ADCY5: variants seen among roughly 807,000 people sequenced by gnomAD.
ADCY5 encodes adenylate cyclase 5.
A neutral mutation model predicts 119.7 loss-of-function variants in ADCY5; 30 were observed. That is an observed-to-expected ratio of 0.25 (90% confidence interval 0.19 to 0.34). The LOEUF is 0.34. Ranked by LOEUF, ADCY5 falls within the 10% of genes least tolerant of loss-of-function variation. ADCY5 has a pLI of 1.00. For synonymous variants in ADCY5, 753 were observed against 762.2 expected (o/e 0.99, Z 0.20); for missense variants, 1,324 against 1,775.2 (o/e 0.75, Z 4.57).
intron 3 of ADCY5, among the ~76,000 whole-genome samples, chr3:123,336,203 A>T (rs1942018810): frequency 1.3e-5 from 2 of 152,140 alleles, no homozygotes; most frequent in Admixed American, 1.3e-4. Flanking sequence ...GCAGAACCCC[A>T]TCCTGGCCCA....
chr3:123,398,899 A>C (rs1423228617), intron 1 of ADCY5, among the ~76,000 whole-genome samples: 2 of 152,234 alleles, frequency 1.3e-5, no homozygotes, highest in African/African-American at 4.8e-5. Flanking sequence ...TGTGGGTTCC[A>C]AATTTCACTG....
chr3:123,299,278 AC>A (rs1441508702), intron 15 of ADCY5, among the ~76,000 whole-genome samples: 2 of 152,220 alleles, frequency 1.3e-5, no homozygotes, highest in African/African-American at 4.8e-5. Context: ...AGCTTCTGGA[AC>A]ATGCCTAACT....
intron 3 of ADCY5, among the ~76,000 whole-genome samples, chr3:123,339,919 T>C (rs1942197163): frequency 6.6e-6 from 1 of 152,236 alleles, no homozygotes; most frequent in Non-Finnish European, 1.5e-5. Context: ...GGGGAGTCTA[T>C]GAGTGCTTTT....
intron 1 of ADCY5, among the ~76,000 whole-genome samples, chr3:123,359,095 T>C (rs1576620426): frequency 2.7e-5 from 4 of 150,194 alleles, no homozygotes; most frequent in South Asian, 4.3e-4. Flanking sequence ...GGAAGACCCC[T>C]GCTCAGTTTG....
chr3:123,440,037 T>C (rs1300555837), intron 1 of ADCY5, among the ~76,000 whole-genome samples: 1 of 152,242 alleles, frequency 6.6e-6, no homozygotes, highest in Non-Finnish European at 1.5e-5. Context: ...CCGAGCTGCG[T>C]CGCTTCCTTC....
intron 8 of ADCY5, among the ~76,000 whole-genome samples, chr3:123,323,823 C>T (rs1337946193): frequency 6.6e-6 from 1 of 152,054 alleles, no homozygotes; most frequent in Non-Finnish European, 1.5e-5. Context: ...CTATGCCTAG[C>T]TAGTTTTCCT....
intron 3 of ADCY5, among the ~76,000 whole-genome samples, chr3:123,337,021 G>A (rs1464578652): frequency 6.6e-6 from 1 of 152,162 alleles, no homozygotes; most frequent in Non-Finnish European, 1.5e-5. Context: ...ACTGCACTAT[G>A]TAGCCAGGGT....
rs72964577 is a variant in ADCY5 at position 123,349,589 on chromosome 3, G to C, written c.1285-1686C>G. Among the ~76,000 whole-genome samples, 742 of 152,224 alleles carry C rather than the reference G, an allele frequency of 4.9e-3. 2 individuals are homozygous for C. Among genetic ancestry groups the C allele is most frequent in the African/African-American group, 0.016 (654 of 41,526 alleles). On this transcript the variant is annotated intron_variant, in intron 2 of 20. Coordinates refer to ENST00000462833, the MANE Select transcript of ADCY5 (RefSeq NM_183357.3). ...AGTTTCACCAGCCACATCACATATG[G>C]GTTCTTCCAGACCCGCTGAACTCAC... is the stretch of plus-strand genomic sequence containing the variant.
intron 3 of ADCY5, among the ~76,000 whole-genome samples, chr3:123,346,716 C>T (rs1374861737): frequency 6.6e-6 from 1 of 151,992 alleles, no homozygotes; most frequent in African/African-American, 2.4e-5. Context: ...CTTGAAAACG[C>T]AGGCCAAGCC....
rs1941732322 is a variant in ADCY5, at chr3:123,330,925, C to T, written c.1610G>A (p.Cys537Tyr). ...PEARADHAHC[C>Y]VEMGMDMIEA... is the part of the protein sequence containing the mutation. ...GATCATGTCCATGCCCATCTCCACA[C>T]AGCAGTGGGCGTGGTCAGCCCTTGC... Residue 537 changes from cysteine to tyrosine, a missense_variant, in exon 5 of 21, where the codon TGT becomes TAT. Cys to Tyr is a radical substitution (Grantham distance 194). Coordinates refer to ENST00000462833, the MANE Select transcript of ADCY5 (RefSeq NM_183357.3). 1 of 1,613,872 alleles carries T rather than the reference C, an allele frequency of 6.2e-7. No individual in the cohort carries two copies. Among genetic ancestry groups the T allele is most frequent in the Admixed American group, 1.7e-5 (1 of 59,950 alleles).
rs1000565064 is a variant in ADCY5, at chr3:123,433,571, C to T, written c.1134+13841G>A. On this transcript the variant is annotated intron_variant, in intron 1 of 20. Transcript: ENST00000462833. Reference sequence around the variant, plus strand: ...GAACAAAAGTGAATCTGAAACACAGCTAAAGGATGCTGGGGTATTTCTTAG... The same window carrying T: ...GAACAAAAGTGAATCTGAAACACAGTTAAAGGATGCTGGGGTATTTCTTAG... 2.0e-5 allele frequency among the ~76,000 whole-genome samples: 3 copies of T among 152,326 alleles called. No individual in the cohort carries two copies. In the South Asian group the frequency reaches 6.2e-4, roughly 32 times the overall value.
In ADCY5 at chr3:123,300,136, C is replaced by A; in HGVS notation, c.2884G>T (p.Val962Phe). ...GCCCCATACATGGCGTTGGCGGTGA[C>A]CAGCAGGTCGGCGTTGTCGAAGAGC... ...VTLFDNADLL[V>F]TANAIDFFNN... is the part of the protein sequence containing the mutation. The change falls in exon 15 of 21, where the codon GTC becomes TTC. Residue 962 changes from valine (V) to phenylalanine (F), a missense_variant. Around this residue, in one of 6 missense-constraint regions of ADCY5, gnomAD observed 424 missense variants for 546.8 expected, o/e 0.78. Transcript: ENST00000462833. 1.2e-6 allele frequency: 2 copies of A among 1,613,862 alleles called. No homozygotes were observed. The highest frequency in any genetic ancestry group is 1.7e-6 in the Non-Finnish European group (2 of 1,180,020).
At chr3:123,363,074 C>T (rs985759684) in intron 1 of ADCY5, among the ~76,000 whole-genome samples, 3 of 140,864 alleles carry the variant, frequency 2.1e-5, no homozygotes, top group African/African-American at 5.4e-5. Context: ...ACCCAGGAGG[C>T]AAATGTTGCA....
At chr3:123,340,418 C>T (rs962005515) in intron 3 of ADCY5, among the ~76,000 whole-genome samples, 6 of 152,182 alleles carry the variant, frequency 3.9e-5, no homozygotes, top group Non-Finnish European at 2.9e-5. Flanking sequence ...TACCCAAGCC[C>T]AGAATAATAC....
Position 123,318,226 on chromosome 3 carries a change from C to G in ADCY5, c.2257-109G>C, listed in dbSNP as rs1941029024. On this transcript the variant is annotated intron_variant, in intron 10 of 20. Transcript: ENST00000462833. ...AGCCACTCATGGCTGGTCACCTGTG[C>G]AGCCCACTCCCACAACAGGGAAGAC... 7.9e-6 allele frequency: 6 copies of G among 758,300 alleles called. No individual in the cohort carries two copies. In the East Asian group the frequency reaches 1.7e-4, roughly 21 times the overall value. 47.0% of individuals were successfully genotyped at this position (758,300 alleles called of 1,614,324 possible).
At chr3:123,440,099 C>T (rs11714441) in intron 1 of ADCY5, among the ~76,000 whole-genome samples, 60,615 of 152,066 alleles carry the variant, frequency 0.4, 12,091 homozygotes, top group Admixed American at 0.42. Context: ...TGCGTGCAGA[C>T]GTCCACCCAC....
intron 3 of ADCY5, among the ~76,000 whole-genome samples, chr3:123,334,781 G>C (rs1183153116): frequency 1.3e-5 from 2 of 152,152 alleles, no homozygotes; most frequent in African/African-American, 4.8e-5. Context: ...ATTGACAAAT[G>C]ATAATTGTAT....
chr3:123,419,211 A>G (rs2107634870), intron 1 of ADCY5: 1 of 985,308 alleles, frequency 1.0e-6, no homozygotes, highest in Non-Finnish European at 1.2e-6. Context: ...CATGCATCTG[A>G]CGAGCACACA....
chr3:123,299,742 G>C (rs1405606828), intron 15 of ADCY5, among the ~76,000 whole-genome samples: 1 of 152,192 alleles, frequency 6.6e-6, no homozygotes, highest in African/African-American at 2.4e-5. Context: ...CCTCGAGGTG[G>C]GACACAGACC....
Sources: gnomAD v4.1 joint callset for allele counts (sites outside exome capture counted in the v4.1 genomes callset) on GRCh38, gnomAD v4.1.1 for gene constraint, gnomAD v4.1.1 regional missense constraint, MANE v1.5 for transcripts, NCBI Gene and HGNC (gene_info 2026-07-23, HGNC 2026-07-21) for gene names.